MAGI2: variants seen among roughly 807,000 people sequenced by gnomAD.
The protein encoded by MAGI2 is membrane-associated guanylate kinase, WW and PDZ domain-containing protein 2.
Under a neutral mutation model 133.3 loss-of-function variants are expected in MAGI2, and 35 were observed. The ratio of observed to expected loss-of-function variants is 0.26; its 90% CI spans 0.20 to 0.35. The LOEUF (loss-of-function observed/expected upper bound fraction) is 0.35. MAGI2 is among the 10% of genes least tolerant of loss of function. The pLI, the probability that MAGI2 is intolerant of heterozygous loss-of-function variation, is 1.00. For synonymous variants in MAGI2, 729 were observed against 710.6 expected (o/e 1.03, Z -0.41); for missense variants, 1,636 against 1,863.4 (o/e 0.88, Z 2.25).
intron 10 of MAGI2, among the ~76,000 whole-genome samples, chr7:78,218,149 T>A (rs1280682330): frequency 6.6e-6 from 1 of 152,238 alleles, no homozygotes; most frequent in African/African-American, 2.4e-5. Context: ...ATTGCATAGA[T>A]GAGAGACTGA....
intron 3 of MAGI2, among the ~76,000 whole-genome samples, chr7:78,573,283 TTTATATAAATATATATATTTATA>T (rs1801843897): frequency 2.2e-5 from 1 of 46,246 alleles, no homozygotes; most frequent in African/African-American, 1.5e-4. Context: ...AATATATATA[TTTATATAAATATATATATTTATA>T]TATATAAATA....
rs564390660 is a variant in MAGI2 at position 78,167,610 on chromosome 7, T to C, written c.2596+306A>G. On this transcript the variant is annotated intron_variant, in intron 15 of 21. Transcript: ENST00000354212. The stretch of plus-strand genomic sequence containing the variant: ...AATGGCATATTTTCCATGACTATCA[T>C]GTTCTTCTTAGAACTAGAAACTACC... Among the ~76,000 whole-genome samples, 112 of 152,326 alleles carry C rather than the reference T, an allele frequency of 7.4e-4. 1 individual carries two copies. The Middle Eastern group carries it at 0.014, about 19-fold the overall frequency.
chr7:79,181,480 A>T lies in MAGI2; in HGVS notation c.302-174274T>A, dbSNP rs947797809. Among the ~76,000 whole-genome samples the T allele has an allele frequency of 3.9e-5, 6 of 152,020 alleles. No individual in the cohort carries two copies. The East Asian group carries it at 7.8e-4, about 20-fold the overall frequency. On this transcript the variant is annotated intron_variant, in intron 1 of 21. Coordinates refer to ENST00000354212, the MANE Select transcript of MAGI2 (RefSeq NM_012301.4). ...AGCTAGAGCAGCTGGGACACAGAGC[A>T]TCAAGTCCCTAGACTGTACACAGCA... is the stretch of plus-strand genomic sequence containing the variant.
intron 2 of MAGI2, among the ~76,000 whole-genome samples, chr7:78,765,123 A>G (rs747717168): frequency 4.9e-4 from 74 of 152,290 alleles, no homozygotes; most frequent in Admixed American, 1.4e-3. Context: ...TGTAATAGCA[A>G]GCACTCAAGT....
Position 78,160,276 on chromosome 7 carries a change from G to T in MAGI2, c.2597-3C>A. The T allele has an allele frequency of 6.3e-7, 1 of 1,576,070 alleles. No individual in the cohort carries two copies. The highest frequency in any genetic ancestry group is 8.6e-7 in the Non-Finnish European group (1 of 1,160,046). On this transcript the variant is annotated splice_polypyrimidine_tract_variant and splice_region_variant and intron_variant, in intron 15 of 21. Coordinates refer to ENST00000354212, the MANE Select transcript of MAGI2 (RefSeq NM_012301.4). ...CCCGTTCTCTGGGCAGGGCTCCCCT[G>T]CAAAATATACCACACACAGGTAATC...
At chr7:78,269,910 A>C (rs1052201549) in intron 9 of MAGI2, among the ~76,000 whole-genome samples, 1 of 152,224 alleles carries the variant, frequency 6.6e-6, no homozygotes, top group African/African-American at 2.4e-5. Context: ...TCTAACATTT[A>C]AGTCTTTAAT....
chr7:78,928,034 A>C (rs1449282894), intron 2 of MAGI2, among the ~76,000 whole-genome samples: 1 of 151,944 alleles, frequency 6.6e-6, no homozygotes, highest in East Asian at 1.9e-4. Flanking sequence ...ATATTTATTT[A>C]TTAAAATTTA....
chr7:78,225,556 T>C (rs989408531), intron 10 of MAGI2, among the ~76,000 whole-genome samples: 2 of 152,108 alleles, frequency 1.3e-5, no homozygotes, highest in Non-Finnish European at 2.9e-5. Flanking sequence ...CAGAAAAATG[T>C]TTTGAGCACT....
chr7:79,402,582 C>T (rs1845543097), intron 1 of MAGI2, among the ~76,000 whole-genome samples: 1 of 152,066 alleles, frequency 6.6e-6, no homozygotes. Context: ...AATCTTGTAT[C>T]CTCTAAGTCC....
intron 2 of MAGI2, among the ~76,000 whole-genome samples, chr7:78,909,289 C>T (rs910853900): frequency 6.6e-6 from 1 of 151,712 alleles, no homozygotes; most frequent in African/African-American, 2.4e-5. Flanking sequence ...GTCAGAATGG[C>T]AATCATTAAA....
chr7:78,205,879 A>G (rs1452271623), intron 10 of MAGI2, among the ~76,000 whole-genome samples: 1 of 152,214 alleles, frequency 6.6e-6, no homozygotes. Context: ...TTTGCTATAC[A>G]GATCATTGCA....
At chr7:78,138,034 C>T (rs2150548656) in intron 16 of MAGI2, among the ~76,000 whole-genome samples, 1 of 152,286 alleles carries the variant, frequency 6.6e-6, no homozygotes, top group African/African-American at 2.4e-5. Context: ...GAAACTGAAG[C>T]ATATAGCAGT....
intron 1 of MAGI2, among the ~76,000 whole-genome samples, chr7:79,133,178 T>A (rs1225499662): frequency 6.6e-6 from 1 of 152,206 alleles, no homozygotes; most frequent in Non-Finnish European, 1.5e-5. Flanking sequence ...TTATTTTTGT[T>A]TTTGTTGTGT....
At chr7:78,795,023 A>C (rs527767439) in intron 2 of MAGI2, among the ~76,000 whole-genome samples, 146 of 152,304 alleles carry the variant, frequency 9.6e-4, no homozygotes, top group Non-Finnish European at 1.8e-3. Flanking sequence ...ATGCCAGGCC[A>C]CTATCTCCAC....
intron 1 of MAGI2, among the ~76,000 whole-genome samples, chr7:79,359,626 A>G (rs184592843): frequency 6.6e-6 from 1 of 151,582 alleles, no homozygotes; most frequent in African/African-American, 2.4e-5. Context: ...GGAAAAGCCA[A>G]TTCAAATGAC....
chr7:79,135,989 A>AAG (rs1281715899), intron 1 of MAGI2, among the ~76,000 whole-genome samples: 34 of 47,850 alleles, frequency 7.1e-4, no homozygotes, highest in African/African-American at 1.4e-3. Flanking sequence ...GAAAGAAAGA[A>AAG]AGAAAGAAAG....
chr7:78,609,687 G>C (rs1419191162), intron 3 of MAGI2, among the ~76,000 whole-genome samples: 4 of 152,120 alleles, frequency 2.6e-5, no homozygotes, highest in African/African-American at 9.7e-5. Context: ...ACCATTTGTA[G>C]TCCTGCCTGG....
chr7:79,105,765 T>A (rs1818400956), intron 1 of MAGI2, among the ~76,000 whole-genome samples: 1 of 152,182 alleles, frequency 6.6e-6, no homozygotes, highest in South Asian at 2.1e-4. Flanking sequence ...CCATTGTAGT[T>A]GACTATTGAG....
chr7:78,332,553 T>A (rs973895448), intron 9 of MAGI2, among the ~76,000 whole-genome samples: 1 of 152,000 alleles, frequency 6.6e-6, no homozygotes, highest in Non-Finnish European at 1.5e-5. Flanking sequence ...AAAAAATTAG[T>A]CTGGTGTTGT....
Sources: allele counts gnomAD v4.1 joint callset (sites outside exome capture counted in the v4.1 genomes callset), GRCh38; gene constraint gnomAD v4.1.1; transcripts MANE v1.5; gene names NCBI Gene and HGNC (gene_info 2026-07-23, HGNC 2026-07-21).